PRKCA: variants seen among roughly 807,000 people sequenced by gnomAD.
PRKCA encodes the protein protein kinase C alpha.
PRKCA carries 27 observed loss-of-function variants against 87.0 expected under a neutral mutation model. The ratio of observed to expected loss-of-function variants is 0.31; its 90% CI spans 0.23 to 0.43. The LOEUF (loss-of-function observed/expected upper bound fraction) is 0.43, where lower values mean the gene tolerates loss of function less well. Ranked by LOEUF, PRKCA falls within the 20% of genes least tolerant of loss-of-function variation. PRKCA has a pLI of 1.00. For missense variants in PRKCA, 518 were observed against 852.3 expected, an observed-to-expected ratio of 0.61 and a Z score of 4.88; for synonymous variants, 329 against 311.1, an observed-to-expected ratio of 1.06 and a Z score of -0.61.
rs1908718806 is a variant in PRKCA, at chr17:66,366,280, A to G, written c.205+60153A>G. ...CCAGAAGCCTTACAAGGTCTTTAAT[A>G]AGTACAAATATAGATTGCTATAGGT... On this transcript the variant is annotated intron_variant, in intron 2 of 16. Transcript: ENST00000413366. Among the ~76,000 whole-genome samples the G allele has an allele frequency of 2.0e-5, 3 of 152,232 alleles. 1 individual carries two copies. In the South Asian group the frequency reaches 6.2e-4, roughly 31 times the overall value.
intron 14 of PRKCA, chr17:66,774,446 C>T (rs886390342): frequency 1.2e-6 from 1 of 821,198 alleles, no homozygotes. Flanking sequence ...CATGGCGAAA[C>T]CCCATCTCTA....
chr17:66,551,644 G>A (rs923921006), intron 3 of PRKCA, among the ~76,000 whole-genome samples: 3 of 152,144 alleles, frequency 2.0e-5, no homozygotes, highest in African/African-American at 7.2e-5. Flanking sequence ...ATACTCAAGG[G>A]GGGGATATTG....
At chr17:66,630,855 A>G (rs1248471118) in intron 3 of PRKCA, among the ~76,000 whole-genome samples, 2 of 152,156 alleles carry the variant, frequency 1.3e-5, no homozygotes, top group East Asian at 1.9e-4. Flanking sequence ...ATAATATAAA[A>G]TGGCAGTAGA....
chr17:66,583,911 G>A (rs1417966472), intron 3 of PRKCA, among the ~76,000 whole-genome samples: 1 of 152,146 alleles, frequency 6.6e-6, no homozygotes, highest in African/African-American at 2.4e-5. Flanking sequence ...TAATAGGTAA[G>A]ACTATTCTAA....
chr17:66,781,949 T>C (rs1168644738), intron 14 of PRKCA, among the ~76,000 whole-genome samples: 4 of 151,630 alleles, frequency 2.6e-5, no homozygotes, highest in Admixed American at 2.6e-4. Context: ...AGTCTTGCTC[T>C]GTTGCCCAGG....
At chr17:66,466,257 G>A (rs1278371404) in intron 2 of PRKCA, among the ~76,000 whole-genome samples, 5 of 152,224 alleles carry the variant, frequency 3.3e-5, no homozygotes, top group African/African-American at 1.2e-4. Flanking sequence ...AACTGCACGT[G>A]TGGAAAGAAT....
intron 2 of PRKCA, among the ~76,000 whole-genome samples, chr17:66,377,364 C>T (rs1015149926): frequency 3.2e-4 from 48 of 151,818 alleles, no homozygotes; most frequent in Admixed American, 2.5e-3. Context: ...AATCCCCTTA[C>T]TCTCTTGGCC....
At chr17:66,389,296 G>A (rs1279383492) in intron 2 of PRKCA, among the ~76,000 whole-genome samples, 3 of 152,138 alleles carry the variant, frequency 2.0e-5, no homozygotes, top group Non-Finnish European at 4.4e-5. Context: ...AGAGGAGCAC[G>A]ACTCACTTGG....
intron 3 of PRKCA, among the ~76,000 whole-genome samples, chr17:66,614,113 A>C (rs1423595077): frequency 1.3e-5 from 2 of 151,972 alleles, no homozygotes; most frequent in Non-Finnish European, 2.9e-5. Context: ...ACTTAACTAA[A>C]TTGCACCTGC....
intron 5 of PRKCA, among the ~76,000 whole-genome samples, chr17:66,663,273 G>A (rs1181404416): frequency 1.3e-5 from 2 of 152,244 alleles, no homozygotes; most frequent in Non-Finnish European, 2.9e-5. Flanking sequence ...TCGTCTCTTA[G>A]GGTGATTCAG....
chr17:66,786,034 T>C (rs944355805), intron 14 of PRKCA, among the ~76,000 whole-genome samples: 6 of 152,280 alleles, frequency 3.9e-5, no homozygotes, highest in African/African-American at 1.2e-4. Flanking sequence ...TTCACCATGT[T>C]AGCCAGGATG....
chr17:66,474,709 A>G (rs1031917666), intron 2 of PRKCA, among the ~76,000 whole-genome samples: 4 of 152,206 alleles, frequency 2.6e-5, no homozygotes, highest in Non-Finnish European at 5.9e-5. Flanking sequence ...CATTTCCTCA[A>G]CTTAAAGTAA....
At chr17:66,602,559 G>A (rs899802867) in intron 3 of PRKCA, among the ~76,000 whole-genome samples, 8 of 152,110 alleles carry the variant, frequency 5.3e-5, no homozygotes, top group Non-Finnish European at 8.8e-5. Context: ...GCTGTAGACC[G>A]GAGCTGTTCC....
At chr17:66,783,337 T>G (rs1010549961) in intron 14 of PRKCA, among the ~76,000 whole-genome samples, 1 of 152,180 alleles carries the variant, frequency 6.6e-6, no homozygotes, top group Non-Finnish European at 1.5e-5. Flanking sequence ...TAAAGCAAAT[T>G]GCCAGAGAGG....
At chr17:66,480,746 T>A (rs1403412979) in intron 2 of PRKCA, among the ~76,000 whole-genome samples, 1 of 151,902 alleles carries the variant, frequency 6.6e-6, no homozygotes, top group Non-Finnish European at 1.5e-5. Flanking sequence ...AAATGCTTTT[T>A]CCCTCACCCA....
chr17:66,316,128 G>A (rs1905304310), intron 2 of PRKCA, among the ~76,000 whole-genome samples: 1 of 152,206 alleles, frequency 6.6e-6, no homozygotes, highest in Admixed American at 6.5e-5. Flanking sequence ...GCATGCGTGA[G>A]AGAGGGATGA....
chr17:66,497,421 G>A (rs770856958), intron 3 of PRKCA, among the ~76,000 whole-genome samples: 52 of 151,708 alleles, frequency 3.4e-4, no homozygotes, highest in African/African-American at 1.1e-3. Context: ...ATTTGAACCC[G>A]CGAGGCAGAG....
intron 14 of PRKCA, among the ~76,000 whole-genome samples, chr17:66,779,510 G>A (rs1378776159): frequency 3.3e-5 from 5 of 151,960 alleles, no homozygotes; most frequent in East Asian, 1.9e-4. Flanking sequence ...ATCAGTAATC[G>A]CCACTTCATC....
intron 11 of PRKCA, among the ~76,000 whole-genome samples, chr17:66,739,273 G>A (rs769328247): frequency 2.0e-5 from 3 of 152,174 alleles, no homozygotes; most frequent in South Asian, 2.1e-4. Flanking sequence ...CATGGGAGGC[G>A]GAGGGCAGAT....
Sources: allele counts gnomAD v4.1 joint callset (sites outside exome capture counted in the v4.1 genomes callset), GRCh38; gene constraint gnomAD v4.1.1; transcripts MANE v1.5; gene names NCBI Gene and HGNC (gene_info 2026-07-23, HGNC 2026-07-21).